GXYLT1: variants seen among roughly 807,000 people sequenced by gnomAD.
The protein encoded by GXYLT1 is glycosyltransferase 8 domain containing 3.
GXYLT1 carries 29 observed loss-of-function variants against 54.0 expected under a neutral mutation model. That is an observed-to-expected ratio of 0.54 (90% CI 0.40 to 0.73). The LOEUF (loss-of-function observed/expected upper bound fraction) is 0.73. Among genes scored for constraint, GXYLT1 ranks in the 30% least tolerant of loss-of-function variants. The pLI is 0.00. For synonymous variants in GXYLT1, 176 were observed against 204.1 expected (o/e 0.86, Z 1.17); for missense variants, 490 against 553.4 (o/e 0.89, Z 1.15).
chr12:42,141,433 A>G (rs2136924054), intron 1 of GXYLT1, among the ~76,000 whole-genome samples: 1 of 152,304 alleles, frequency 6.6e-6, no homozygotes, highest in Admixed American at 6.5e-5. Flanking sequence ...ACAACTAAGA[A>G]TTCTATTACA....
chr12:42,098,659 T>C (rs769925309), intron 5 of GXYLT1, among the ~76,000 whole-genome samples: 32 of 150,748 alleles, frequency 2.1e-4, no homozygotes, highest in Non-Finnish European at 4.1e-4. Context: ...AGTAAAAAAT[T>C]CTCACAGAGA....
At chr12:42,123,211 T>C (rs2065541861) in intron 2 of GXYLT1, among the ~76,000 whole-genome samples, 1 of 151,828 alleles carries the variant, frequency 6.6e-6, no homozygotes, top group Admixed American at 6.6e-5. Flanking sequence ...AACAGGAAAA[T>C]AAGAAAATAG....
intron 7 of GXYLT1, among the ~76,000 whole-genome samples, chr12:42,089,395 G>C (rs2065316499): frequency 6.6e-6 from 1 of 151,154 alleles, no homozygotes. Context: ...TAAATGACGA[G>C]TTAATGGGTG....
intron 2 of GXYLT1, among the ~76,000 whole-genome samples, chr12:42,123,999 C>T (rs143214747): frequency 5.9e-4 from 87 of 147,604 alleles, no homozygotes; most frequent in African/African-American, 2.0e-3. Context: ...GGCAAAATTA[C>T]TTTCATGAGT....
intron 5 of GXYLT1, among the ~76,000 whole-genome samples, chr12:42,105,590 A>T (rs879692336): frequency 3.9e-5 from 6 of 152,176 alleles, no homozygotes; most frequent in African/African-American, 1.4e-4. Context: ...TTGTTATTTT[A>T]CTCCATTGTC....
intron 4 of GXYLT1, among the ~76,000 whole-genome samples, chr12:42,107,644 C>A (rs1443699690): frequency 6.6e-6 from 1 of 151,940 alleles, no homozygotes; most frequent in Non-Finnish European, 1.5e-5. Context: ...TGAGCCAAGA[C>A]TGCGCCAGTA....
intron 3 of GXYLT1, among the ~76,000 whole-genome samples, chr12:42,111,641 C>T (rs1592111787): frequency 1.3e-5 from 2 of 152,256 alleles, no homozygotes; most frequent in East Asian, 1.9e-4. Context: ...GGCCAGGAAG[C>T]TCGAACTGGG....
chr12:42,120,097 G>A (rs550883659), intron 2 of GXYLT1, among the ~76,000 whole-genome samples: 16 of 152,194 alleles, frequency 1.1e-4, no homozygotes, highest in Admixed American at 1.3e-4. Flanking sequence ...AGATAGATTT[G>A]AAGGTCTTTC....
intron 2 of GXYLT1, among the ~76,000 whole-genome samples, chr12:42,122,069 A>G (rs1161328989): frequency 6.6e-6 from 1 of 152,162 alleles, no homozygotes. Context: ...GGTCTACAAA[A>G]ATCTTTCTTT....
At chr12:42,101,751 T>C (rs1229879701) in intron 5 of GXYLT1, among the ~76,000 whole-genome samples, 1 of 152,102 alleles carries the variant, frequency 6.6e-6, no homozygotes, top group Non-Finnish European at 1.5e-5. Context: ...TTTGTATTTT[T>C]AGTAGAGATG....
At chr12:42,112,315 G>C (rs2065462860) in intron 3 of GXYLT1, among the ~76,000 whole-genome samples, 1 of 151,956 alleles carries the variant, frequency 6.6e-6, no homozygotes, top group Non-Finnish European at 1.5e-5. Flanking sequence ...GACAAGTTGA[G>C]AGAAGGCTTC....
At chr12:42,100,539 A>G (rs1471063196) in intron 5 of GXYLT1, among the ~76,000 whole-genome samples, 1 of 151,874 alleles carries the variant, frequency 6.6e-6, no homozygotes, top group Non-Finnish European at 1.5e-5. Flanking sequence ...TAAAAAAGAG[A>G]AGGCCAGAAT....
chr12:42,111,079 C>G (rs2065451242), intron 3 of GXYLT1, among the ~76,000 whole-genome samples: 1 of 152,222 alleles, frequency 6.6e-6, no homozygotes, highest in East Asian at 1.9e-4. Context: ...AAATTGGCAG[C>G]AGTCTATTAC....
rs2065288800 is a variant in GXYLT1, at chr12:42,085,762, C to G, written c.*2024G>C. 6.6e-6 allele frequency: 1 copy of G among 152,276 alleles called. No individual in the cohort carries two copies. Among genetic ancestry groups the G allele is most frequent in the East Asian group, 1.9e-4 (1 of 5,200 alleles). 9.4% of individuals were successfully genotyped at this position (152,276 alleles called of 1,614,324 possible). A position where few individuals can be genotyped will look rare whatever the true frequency, so the allele number is the denominator to read the frequency against. ...GCTATGAGATGAAGCCGAAGGACTG[C>G]TGCTGCCTCTGTTAGGTGTGATATC... is the stretch of plus-strand genomic sequence containing the variant. On this transcript the variant is annotated 3_prime_UTR_variant, in exon 8 of 8. Transcript: ENST00000398675.
At chr12:42,136,970 G>C (rs551952081) in intron 1 of GXYLT1, among the ~76,000 whole-genome samples, 1 of 152,174 alleles carries the variant, frequency 6.6e-6, no homozygotes, top group South Asian at 2.1e-4. Flanking sequence ...TGTTGAGAGA[G>C]TGTTTTGCCA....
intron 3 of GXYLT1, among the ~76,000 whole-genome samples, chr12:42,116,806 C>A (rs531452125): frequency 1.3e-5 from 2 of 152,294 alleles, no homozygotes; most frequent in East Asian, 1.9e-4. Flanking sequence ...ATAAATCATG[C>A]TGCTATAAAG....
intron 3 of GXYLT1, among the ~76,000 whole-genome samples, chr12:42,112,997 A>AT (rs1187123588): frequency 2.0e-5 from 3 of 151,184 alleles, no homozygotes; most frequent in Non-Finnish European, 2.9e-5. Flanking sequence ...AAAGAAAAGT[A>AT]TTTTCAACCC....
chr12:42,125,541 T>A (rs2065555683), intron 2 of GXYLT1, among the ~76,000 whole-genome samples: 1 of 152,076 alleles, frequency 6.6e-6, no homozygotes, highest in Admixed American at 6.5e-5. Flanking sequence ...AAGAGCTGAG[T>A]AACTGGTCTG....
intron 1 of GXYLT1, among the ~76,000 whole-genome samples, chr12:42,137,972 C>T (rs1378968594): frequency 1.3e-5 from 2 of 152,006 alleles, no homozygotes; most frequent in Non-Finnish European, 2.9e-5. Context: ...TAATTTTCAA[C>T]TAAATTGTTT....
Sources: allele counts gnomAD v4.1 joint callset (sites outside exome capture counted in the v4.1 genomes callset), GRCh38; gene constraint gnomAD v4.1.1; transcripts MANE v1.5; gene names NCBI Gene and HGNC (gene_info 2026-07-23, HGNC 2026-07-21).